Variants in SEPTIN2 observed in about 807,000 individuals in gnomAD.
SEPTIN2 encodes the protein septin-2.
In SEPTIN2, 34 loss-of-function variants were observed where a neutral mutation model predicts 46.5. The observed-to-expected ratio is 0.73, with a 90% confidence interval of 0.56 to 0.97. The LOEUF (loss-of-function observed/expected upper bound fraction) is 0.97. Ranked by LOEUF, SEPTIN2 falls within the 50% of genes least tolerant of loss-of-function variation. The pLI is 0.00. For synonymous variants in SEPTIN2, 175 were observed against 153.4 expected, an observed-to-expected ratio of 1.14 and a Z score of -1.04; for missense variants, 347 against 448.4, an observed-to-expected ratio of 0.77 and a Z score of 2.04.
intron 1 of SEPTIN2, among the ~76,000 whole-genome samples, chr2:241,322,989 T>A (rs913181250): frequency 1.3e-5 from 2 of 151,106 alleles, no homozygotes; most frequent in Non-Finnish European, 2.9e-5. Context: ...AATATGTGCG[T>A]ACATATATAT....
At chr2:241,348,685 A>C (rs900847727) in intron 11 of SEPTIN2, among the ~76,000 whole-genome samples, 1 of 152,188 alleles carries the variant, frequency 6.6e-6, no homozygotes, top group Non-Finnish European at 1.5e-5. Flanking sequence ...ATAATAATAA[A>C]CATGGATATT....
chr2:241,332,645 T>C (rs1049131239), intron 3 of SEPTIN2, among the ~76,000 whole-genome samples: 1 of 152,326 alleles, frequency 6.6e-6, no homozygotes, highest in South Asian at 2.1e-4. Flanking sequence ...CCACAAGAAA[T>C]GAAAACATGT....
rs1430538458 is a variant in SEPTIN2 at position 241,353,977 on chromosome 2, T to C, written c.*2040T>C. On this transcript the variant is annotated 3_prime_UTR_variant, in exon 13 of 13. Coordinates refer to ENST00000391971, the MANE Select transcript of SEPTIN2 (RefSeq NM_004404.5). ...ACTTATTTTACACAGCAATTTTGTA[T>C]CCATTTAAACTAACCTTTTATCAAT... The C allele has an allele frequency of 6.6e-6, 1 of 152,300 alleles. No homozygotes were observed. Among genetic ancestry groups the C allele is most frequent in the African/African-American group, 2.4e-5 (1 of 41,472 alleles). 9.4% of individuals were successfully genotyped at this position (152,300 alleles called of 1,614,324 possible). A position where few individuals can be genotyped will look rare whatever the true frequency, so the allele number is the denominator to read the frequency against.
rs758809637 is a variant in SEPTIN2 at position 241,337,776 on chromosome 2, C to T, written c.580C>T (p.Arg194Trp). 9 of 1,613,272 alleles carry T rather than the reference C, an allele frequency of 5.6e-6. 1 individual carries two copies. Among genetic ancestry groups the T allele is most frequent in the African/African-American group, 4.0e-5 (3 of 74,970 alleles). ...CACTCTCACCCTGAAGGAACGGGAG[C>T]GGCTGAAGAAAAGGGTGAGTGAGGC... ...ADTLTLKERE[R>W]LKKRILDEIE... is the part of the protein sequence containing the mutation. Residue 194 changes from arginine (R) to tryptophan (W), a missense_variant, in exon 7 of 13, where the codon CGG (arginine) becomes TGG (tryptophan). Coordinates refer to ENST00000391971, the MANE Select transcript of SEPTIN2 (RefSeq NM_004404.5).
At chr2:241,343,380 TC>T (rs1172975761) in intron 8 of SEPTIN2, among the ~76,000 whole-genome samples, 1 of 151,842 alleles carries the variant, frequency 6.6e-6, no homozygotes, top group Non-Finnish European at 1.5e-5. Flanking sequence ...ACACCTGTAG[TC>T]CCAGCCACTC....
intron 1 of SEPTIN2, 30 bp from the exon 2 acceptor site, chr2:241,324,186 A>G: frequency 6.2e-7 from 1 of 1,605,332 alleles, no homozygotes; most frequent in Non-Finnish European, 8.5e-7. Flanking sequence ...ATGTGCGTTT[A>G]TGTGTGTCTG....
chr2:241,326,738 A>G (rs2078039125), intron 3 of SEPTIN2, among the ~76,000 whole-genome samples: 1 of 152,252 alleles, frequency 6.6e-6, no homozygotes, highest in Non-Finnish European at 1.5e-5. Flanking sequence ...CTTACAGGGA[A>G]GCCCACCAAG....
rs1334104005 is a variant in SEPTIN2, at chr2:241,325,974, GT to G, written c.10-13del. The G allele has an allele frequency of 4.4e-6, 7 of 1,606,216 alleles. No homozygotes were observed. On this transcript the variant is annotated intron_variant, in intron 2 of 12. Transcript: ENST00000391971. ...TACTAAGGTGTTTATTAGTTTGTTT[GT>G]TTTTTAATCTTATTTAGCAACAGCC...
At chr2:241,344,808 G>A (rs2081776938) in intron 9 of SEPTIN2, among the ~76,000 whole-genome samples, 1 of 152,200 alleles carries the variant, frequency 6.6e-6, no homozygotes, top group South Asian at 2.1e-4. Flanking sequence ...GCTCATGCCT[G>A]TACTCCTGGC....
chr2:241,347,731 A>G (rs2060389584), intron 10 of SEPTIN2, among the ~76,000 whole-genome samples: 1 of 152,182 alleles, frequency 6.6e-6, no homozygotes, highest in African/African-American at 2.4e-5. Flanking sequence ...TTAATTAGAA[A>G]AATGATAGGC....
intron 3 of SEPTIN2, among the ~76,000 whole-genome samples, chr2:241,333,559 G>A (rs2079384533): frequency 6.6e-6 from 1 of 152,146 alleles, no homozygotes; most frequent in African/African-American, 2.4e-5. Flanking sequence ...GCCCACGCTG[G>A]AGTGCAGTGG....
At chr2:241,338,942 ATAT>A (rs1452331879) in intron 7 of SEPTIN2, among the ~76,000 whole-genome samples, 1 of 97,930 alleles carries the variant, frequency 1.0e-5, no homozygotes, top group Non-Finnish European at 1.9e-5. Flanking sequence ...TTTATTATAT[ATAT>A]TATATATATA....
At chr2:241,318,230 T>C (rs768956659) in intron 1 of SEPTIN2, 2 of 152,200 alleles carry the variant, frequency 1.3e-5, no homozygotes, top group Non-Finnish European at 2.9e-5. Context: ...CCCATATGTG[T>C]GCACAGGGTT....
At chr2:241,339,435 CT>C (rs1222552107) in intron 7 of SEPTIN2, among the ~76,000 whole-genome samples, 21 of 151,826 alleles carry the variant, frequency 1.4e-4, no homozygotes, top group Middle Eastern at 3.4e-3. Context: ...AGTATATATC[CT>C]TCTAGAACAT....
intron 9 of SEPTIN2, among the ~76,000 whole-genome samples, chr2:241,345,310 T>A (rs1273327335): frequency 6.6e-6 from 1 of 152,246 alleles, no homozygotes; most frequent in Non-Finnish European, 1.5e-5. Flanking sequence ...CCATCCAAGC[T>A]GTGTCAAACA....
At chr2:241,351,779 T>C (rs529623729) in intron 12 of SEPTIN2, 188 bp from the exon 13 acceptor site, 6 of 152,346 alleles carry the variant, frequency 3.9e-5, no homozygotes, top group African/African-American at 9.6e-5. Flanking sequence ...CTTTCTAGTT[T>C]TGCAGCATTT....
intron 1 of SEPTIN2, among the ~76,000 whole-genome samples, chr2:241,322,305 A>T (rs769313272): frequency 1.3e-5 from 2 of 152,168 alleles, no homozygotes; most frequent in African/African-American, 4.8e-5. Context: ...AAATTTGTTT[A>T]AAAATTCCAC....
chr2:241,328,259 A>G (rs2078332164), intron 3 of SEPTIN2, among the ~76,000 whole-genome samples: 1 of 151,860 alleles, frequency 6.6e-6, no homozygotes, highest in South Asian at 2.1e-4. Context: ...ACATGGCAAA[A>G]CCCCATCTCT....
In SEPTIN2 at chr2:241,346,222, G is replaced by T; in HGVS notation, c.899G>T (p.Arg300Leu). 1 of 1,613,728 alleles carries T rather than the reference G, an allele frequency of 6.2e-7. No homozygotes were observed. The highest frequency in any genetic ancestry group is 2.2e-5 in the East Asian group (1 of 44,866). The part of the protein sequence containing the change: ...VTQDLHYENF[R>L]SERLKRGGRK... ...CAGGACCTTCATTATGAAAACTTCC[G>T]TTCTGAGAGACTCAAGAGAGGCGGC... Residue 300 changes from arginine to leucine, a missense_variant, in exon 10 of 13, where the codon CGT (arginine) becomes CTT (leucine). Arg to Leu is a moderately radical substitution (Grantham distance 102, BLOSUM62 -2). Transcript: ENST00000391971.
Sources: gnomAD v4.1 joint callset for allele counts (sites outside exome capture counted in the v4.1 genomes callset) on GRCh38, gnomAD v4.1.1 for gene constraint, MANE v1.5 for transcripts, NCBI Gene and HGNC (gene_info 2026-07-23, HGNC 2026-07-21) for gene names.